The following ABL2 variants were observed in gnomAD, a reference collection of about 807,000 sequenced individuals.
The protein encoded by ABL2 is tyrosine-protein kinase ABL2.
ABL2 carries 49 observed loss-of-function variants against 107.7 expected under a neutral mutation model. The observed-to-expected ratio is 0.45, with a 90% CI of 0.36 to 0.58. The LOEUF is 0.58. Among genes scored for constraint, ABL2 ranks in the 20% least tolerant of loss-of-function variants. The pLI is 0.00. For missense variants in ABL2, 1,245 were observed against 1,457.0 expected (o/e 0.85, Z 2.37); for synonymous variants, 549 against 548.6 (o/e 1.00, Z -0.01).
chr1:179,142,761 T>C (rs890982446), intron 1 of ABL2, among the ~76,000 whole-genome samples: 2 of 152,226 alleles, frequency 1.3e-5, no homozygotes, highest in Non-Finnish European at 2.9e-5. Flanking sequence ...TTCCATTCAG[T>C]ATTTATTGAG....
At chr1:179,120,135 G>GTTTA (rs1362325110) in intron 6 of ABL2, 55 bp downstream of exon 6, 24 of 1,157,310 alleles carry the variant, frequency 2.1e-5, no homozygotes, top group Non-Finnish European at 2.8e-5. Context: ...GATAACAAGG[G>GTTTA]GTTAAAGGGC....
chr1:179,169,553 A>T (rs1010803312), intron 1 of ABL2, among the ~76,000 whole-genome samples: 7 of 143,842 alleles, frequency 4.9e-5, no homozygotes, highest in Non-Finnish European at 9.2e-5. Context: ...ATCTCAAAAT[A>T]AAAAAAAAAA....
At chr1:179,204,533 G>C (rs933633815) in intron 1 of ABL2, among the ~76,000 whole-genome samples, 2 of 151,270 alleles carry the variant, frequency 1.3e-5, no homozygotes, top group African/African-American at 4.8e-5. Context: ...ATCACTTGAG[G>C]CCAGGAGTTC....
intron 6 of ABL2, among the ~76,000 whole-genome samples, chr1:179,119,538 C>A (rs796587668): frequency 1.1e-4 from 16 of 150,794 alleles, no homozygotes; most frequent in African/African-American, 2.7e-4. Context: ...AAAACACCCC[C>A]CACACCCCCC....
rs114015783 is a variant in ABL2 at position 179,119,548 on chromosome 1, C to A, written c.1045+642G>T. ...AAAAAAAAACACCCCCCACACCCCC[C>A]CAAAAAAAAGAAAAAAAAAAAAACC... On this transcript the variant is annotated intron_variant, in intron 6 of 11. Coordinates refer to ENST00000502732, the MANE Select transcript of ABL2 (RefSeq NM_007314.4). Among the ~76,000 whole-genome samples, 32 of 149,446 alleles carry A rather than the reference C, an allele frequency of 2.1e-4. No homozygotes were observed. The South Asian group carries it at 5.3e-3, about 25-fold the overall frequency.
At chr1:179,138,746 G>A (rs1572684678) in intron 1 of ABL2, among the ~76,000 whole-genome samples, 2 of 152,326 alleles carry the variant, frequency 1.3e-5, no homozygotes, top group Admixed American at 1.3e-4. Flanking sequence ...TGGCACTTGA[G>A]GAGCCCTTCA....
intron 1 of ABL2, among the ~76,000 whole-genome samples, chr1:179,214,105 T>C (rs1571332116): frequency 6.6e-6 from 1 of 152,026 alleles, no homozygotes; most frequent in African/African-American, 2.4e-5. Context: ...GGAAAGATTA[T>C]ACTTAACAAC....
At chr1:179,110,698 A>T in intron 10 of ABL2, 1 of 1,595,666 alleles carries the variant, frequency 6.3e-7, no homozygotes, top group East Asian at 2.2e-5. Flanking sequence ...CAACGTGTGA[A>T]TATACCACAA....
At position 179,101,807 on chromosome 1, in the gene ABL2, C is replaced by A. The variant is rs1173716207; in HGVS notation, c.*5911G>T. 5.3e-6 allele frequency: 1 copy of A among 189,894 alleles called. No individual in the cohort carries two copies. The highest frequency in any genetic ancestry group is 1.1e-5 in the Non-Finnish European group (1 of 90,408). 11.8% of individuals were successfully genotyped at this position (189,894 alleles called of 1,614,324 possible). On this transcript the variant is annotated 3_prime_UTR_variant, in exon 12 of 12. Transcript: ENST00000502732. ...CTGGACTGAGTCATGGGGGTGAGTGCTCCAGAGTAGGCTGTAGCTTGTCCC... is the reference window on the plus strand; with the variant it reads ...CTGGACTGAGTCATGGGGGTGAGTGATCCAGAGTAGGCTGTAGCTTGTCCC...
At chr1:179,142,806 C>A in intron 1 of ABL2, 1 of 1,131,644 alleles carries the variant, frequency 8.8e-7, no homozygotes, top group Non-Finnish European at 1.2e-6. Flanking sequence ...AGAAAGCACA[C>A]AAACTTTCAC....
chr1:179,193,864 T>A (rs1661160254), intron 1 of ABL2, among the ~76,000 whole-genome samples: 1 of 152,196 alleles, frequency 6.6e-6, no homozygotes, highest in African/African-American at 2.4e-5. Context: ...TCTGAGTAGC[T>A]GGGACTACAG....
chr1:179,209,496 G>A (rs1395372183), intron 1 of ABL2, among the ~76,000 whole-genome samples: 1 of 152,152 alleles, frequency 6.6e-6, no homozygotes, highest in Non-Finnish European at 1.5e-5. Context: ...CTTTGCTGTA[G>A]TGGTCTCAGC....
intron 1 of ABL2, among the ~76,000 whole-genome samples, chr1:179,151,775 T>G (rs1206980688): frequency 2.6e-5 from 4 of 152,198 alleles, no homozygotes; most frequent in African/African-American, 9.6e-5. Context: ...ACAAGAGAAA[T>G]TAAATGCTGA....
intron 1 of ABL2, among the ~76,000 whole-genome samples, chr1:179,161,074 A>G (rs1254607104): frequency 6.6e-6 from 1 of 152,212 alleles, no homozygotes; most frequent in East Asian, 1.9e-4. Context: ...CAATGCTAGT[A>G]GTCTAGGGAC....
At chr1:179,113,738 C>A (rs1242688611) in intron 9 of ABL2, among the ~76,000 whole-genome samples, 1 of 151,258 alleles carries the variant, frequency 6.6e-6, no homozygotes, top group East Asian at 2.0e-4. Context: ...ACCATCCTGG[C>A]TAACACGGTG....
chr1:179,142,924 G>C (rs1329257967), intron 1 of ABL2: 1 of 1,613,878 alleles, frequency 6.2e-7, no homozygotes, highest in African/African-American at 1.3e-5. Flanking sequence ...TATCAACTCT[G>C]AACCATACCT....
At position 179,108,650 on chromosome 1, in the gene ABL2, C is replaced by G. The variant is rs778722832; in HGVS notation, c.2617G>C (p.Glu873Gln). The G allele has an allele frequency of 6.2e-7, 1 of 1,614,240 alleles. No homozygotes were observed. Among genetic ancestry groups the G allele is most frequent in the Non-Finnish European group, 8.5e-7 (1 of 1,180,040 alleles). Residue 873 changes from glutamate to glutamine, a missense_variant, in exon 12 of 12, where the codon GAG (glutamate) becomes CAG (glutamine). Around this residue, in one of 3 missense-constraint regions of ABL2, gnomAD observed 761 missense variants for 766.4 expected, o/e 0.99. Coordinates refer to ENST00000502732, the MANE Select transcript of ABL2 (RefSeq NM_007314.4). The stretch of plus-strand genomic sequence containing the variant: ...ACTCCCACCCCTGGAGGGTCCTTCT[C>G]TGTAATGGCTAGATCCCCAGAGGGT... ...RTPSGDLAIT[E>Q]KDPPGVGVAG...
At chr1:179,205,358 C>A (rs557740714) in intron 1 of ABL2, among the ~76,000 whole-genome samples, 11 of 152,288 alleles carry the variant, frequency 7.2e-5, no homozygotes, top group Non-Finnish European at 1.6e-4. Flanking sequence ...TTCCAGCTGC[C>A]CTCCCAGGCA....
chr1:179,172,763 T>A (rs1474793818), intron 1 of ABL2, among the ~76,000 whole-genome samples: 1 of 152,196 alleles, frequency 6.6e-6, no homozygotes, highest in Non-Finnish European at 1.5e-5. Flanking sequence ...TAAATACATA[T>A]GGCCTAAAAG....
Sources: allele counts gnomAD v4.1 joint callset (sites outside exome capture counted in the v4.1 genomes callset), GRCh38; gene constraint gnomAD v4.1.1; regional missense constraint gnomAD v4.1.1; transcripts MANE v1.5; gene names NCBI Gene and HGNC (gene_info 2026-07-23, HGNC 2026-07-21).